Variants in POLR1C observed in about 807,000 individuals in gnomAD.
POLR1C encodes the protein DNA-directed RNA polymerases I and III subunit RPAC1.
Under a neutral mutation model 38.3 loss-of-function variants are expected in POLR1C, and 42 were observed. The ratio of observed to expected loss-of-function variants is 1.10; its 90% CI spans 0.86 to 1.42. The LOEUF (loss-of-function observed/expected upper bound fraction) is 1.42. Ranked by LOEUF, POLR1C falls within the 40% of genes most tolerant of loss-of-function variation. The probability of loss-of-function intolerance (pLI) is 0.00; values close to 1 mark genes in which losing one functional copy is unlikely to be tolerated. For synonymous variants in POLR1C, 163 were observed against 163.9 expected (o/e 0.99, Z 0.04); for missense variants, 507 against 450.5 (o/e 1.13, Z -1.14).
At chr6:43,531,470 G>A, downstream of POLR1C, 2 of 1,610,096 alleles carry the variant, frequency 1.2e-6, no homozygotes, top group Non-Finnish European at 8.5e-7. Context: ...GGCAGCATTG[G>A]TTCCTTACCA....
In POLR1C at chr6:43,560,311, G is replaced by GA. The variant is rs771450577; in HGVS notation, c.*49-1079dup. 3.7e-3 allele frequency: 5,023 copies of GA among 1,349,796 alleles called. No individual in the cohort carries two copies. Among genetic ancestry groups the GA allele is most frequent in the South Asian group, 7.9e-3 (524 of 66,108 alleles). The allele number at this position is 1,349,796 out of a possible 1,614,324, so 83.6% of individuals were successfully genotyped here. A position where few individuals can be genotyped will look rare whatever the true frequency, so the allele number is the denominator to read the frequency against. On this transcript the variant is annotated intron_variant, in intron 10 of 10. Transcript: ENST00000607635. ...AGTTGAAGAGCGTAGAAACTAAAGAGAAAAAAAAAAGAAAACGTCAAAGGA... is the reference window on the plus strand; with the variant it reads ...AGTTGAAGAGCGTAGAAACTAAAGAGAAAAAAAAAAAGAAAACGTCAAAGGA...
At chr6:43,526,273 A>G, downstream of POLR1C, 1 of 365,672 alleles carries the variant, frequency 2.7e-6, no homozygotes, top group East Asian at 5.1e-5. Flanking sequence ...GGGAGTTTAC[A>G]TTCTAACATG....
At chr6:43,529,448 A>G in exon 9 of POLR1C, 1 of 323,904 alleles carries the variant, frequency 3.1e-6, no homozygotes, top group Non-Finnish European at 5.9e-6. Flanking sequence ...CAGCTACTCG[A>G]GAAGCTAAGG....
rs889486976 is a variant in POLR1C at position 43,558,797 on chromosome 6, C to T, written c.*49-2603C>T. ...TTCCTCAGTGGTAGAAAAGAGAATACTTTTAGTTGATACCATCCTCCAAGT... is the reference window on the plus strand; with the variant it reads ...TTCCTCAGTGGTAGAAAAGAGAATATTTTTAGTTGATACCATCCTCCAAGT... On this transcript the variant is annotated intron_variant, in intron 10 of 10. Coordinates refer to the POLR1C transcript ENST00000607635. 6.5e-6 allele frequency: 3 copies of T among 458,314 alleles called. No individual in the cohort carries two copies. The Admixed American group carries it at 1.2e-4, about 18-fold the overall frequency. The allele number at this position is 458,314 out of a possible 1,614,324, so 28.4% of individuals were successfully genotyped here.
Position 43,519,364 on chromosome 6 carries a change from A to G in POLR1C, c.173A>G (p.Glu58Gly), listed in dbSNP as rs763697196. 1.9e-6 allele frequency: 3 copies of G among 1,613,574 alleles called. No homozygotes were observed. In the South Asian group the frequency reaches 3.3e-5, roughly 18 times the overall value. The change falls in exon 3 of 9, where the codon GAA becomes GGA. Residue 58 changes from glutamate (E) to glycine (G), a missense_variant. Physicochemically the swap from Glu to Gly is moderately conservative, Grantham distance 98. Transcript: ENST00000642195. Reference protein sequence around the residue: ...NFRVDVVHMDENSLEFDMVGI... With the variant: ...NFRVDVVHMDGNSLEFDMVGI... ...CGTGTGGATGTAGTACACATGGATG[A>G]AAACTCACTGGAGTTTGACATGGTG...
intron 9 of POLR1C, among the ~76,000 whole-genome samples, chr6:43,536,758 TAAAAAAAAAAAAAAAAAAA>T (rs1156884252): frequency 5.2e-5 from 1 of 19,082 alleles, no homozygotes; most frequent in African/African-American, 2.4e-4. Context: ...AGACTCTATC[TAAAAAAAAAAAAAAAAAAA>T]AAAAAAAAAA....
At chr6:43,522,739 A>AGT (rs758775098), downstream of POLR1C, 2 of 498,538 alleles carry the variant, frequency 4.0e-6, no homozygotes, top group South Asian at 3.0e-5. Context: ...GATGGACAAC[A>AGT]GGTCTGTTTT....
exon 11 of POLR1C, chr6:43,562,297 T>G: frequency 6.2e-7 from 1 of 1,609,974 alleles, no homozygotes; most frequent in Non-Finnish European, 8.5e-7. Context: ...TGACAGAGCC[T>G]CTTCAGAAAG....
intron 9 of POLR1C, among the ~76,000 whole-genome samples, chr6:43,534,632 GT>G (rs1794203686): frequency 6.6e-6 from 1 of 152,150 alleles, no homozygotes; most frequent in South Asian, 2.1e-4. Context: ...ATGGCTACAC[GT>G]TTAAGATGCA....
intron 9 of POLR1C, chr6:43,546,835 T>G: frequency 7.5e-7 from 1 of 1,325,210 alleles, no homozygotes. Context: ...TTCAAGGTTC[T>G]GGCAAAAGTG....
intron 9 of POLR1C, chr6:43,546,536 G>C: frequency 6.4e-7 from 1 of 1,572,116 alleles, no homozygotes; most frequent in Middle Eastern, 1.7e-4. Flanking sequence ...AGGTAAAGTA[G>C]AAAACAACAG....
At position 43,551,315 on chromosome 6, in the gene POLR1C, G is replaced by C. The variant is rs756050754; in HGVS notation, c.*48+304G>C. 6.8e-6 allele frequency: 11 copies of C among 1,612,892 alleles called. No individual in the cohort carries two copies. In the African/African-American group the frequency reaches 1.5e-4, roughly 22 times the overall value. ...CTTTATACCTTAGAGAAGACCTGGG[G>C]CAGGAACTCTGGTCTGTAGGTGACA... is the stretch of plus-strand genomic sequence containing the variant. On this transcript the variant is annotated intron_variant, in intron 10 of 10. Coordinates refer to the POLR1C transcript ENST00000607635.
intron 10 of POLR1C, among the ~76,000 whole-genome samples, chr6:43,556,523 CAAA>C (rs539768315): frequency 7.0e-5 from 5 of 71,936 alleles, no homozygotes; most frequent in Admixed American, 1.7e-4. Flanking sequence ...GACCATGTCT[CAAA>C]AAAAAAAAAA....
At chr6:43,538,131 AGAGACATCTT>A (rs1329457589) in intron 9 of POLR1C, among the ~76,000 whole-genome samples, 3 of 143,888 alleles carry the variant, frequency 2.1e-5, no homozygotes, top group Non-Finnish European at 4.5e-5. Context: ...TTAGAGCCTA[AGAGACATCTT>A]TTTTTTTTTT....
chr6:43,522,243 TTTC>T (rs1376477514), downstream of POLR1C: 1 of 152,484 alleles, frequency 6.6e-6, no homozygotes, highest in East Asian at 1.9e-4. Flanking sequence ...ATCAGTCACA[TTTC>T]TTCCTGTTTT....
At chr6:43,549,844 C>A in intron 9 of POLR1C, 1 of 1,541,264 alleles carries the variant, frequency 6.5e-7, no homozygotes, top group Non-Finnish European at 8.9e-7. Flanking sequence ...GGTATTCATA[C>A]ATTTGTACTC....
intron 10 of POLR1C, chr6:43,553,275 C>A: frequency 7.0e-7 from 1 of 1,420,488 alleles, no homozygotes; most frequent in Non-Finnish European, 9.3e-7. Context: ...GCATTTCAGC[C>A]TGAGCAACAG....
Position 43,520,299 on chromosome 6 carries a change from T to TC in POLR1C, c.532dup (p.Leu178ProfsTer6). On this transcript the variant is annotated frameshift_variant, in exon 6 of 9. Transcript: ENST00000642195. LOFTEE classifies it high-confidence loss of function. ...GTGTATACCAGGCATATGACATGGA[T>TC]CCCCCTGGGGAACCAGGCTGATCTC... 1.2e-6 allele frequency: 2 copies of TC among 1,612,944 alleles called. No individual in the cohort carries two copies. The highest frequency in any genetic ancestry group is 2.2e-5 in the South Asian group (2 of 91,078).
chr6:43,562,125 T>C, exon 11 of POLR1C: 1 of 639,308 alleles, frequency 1.6e-6, no homozygotes, highest in Non-Finnish European at 2.7e-6. Context: ...TGCAATAACT[T>C]GTATGGCACT....
Sources: gnomAD v4.1 joint callset for allele counts (sites outside exome capture counted in the v4.1 genomes callset) on GRCh38, gnomAD v4.1.1 for gene constraint, MANE v1.5 for transcripts, NCBI Gene and HGNC (gene_info 2026-07-23, HGNC 2026-07-21) for gene names.